CDKL3: variants seen among roughly 807,000 people sequenced by gnomAD.
CDKL3 encodes cyclin-dependent kinase-like 3.
Under a neutral mutation model 69.3 loss-of-function variants are expected in CDKL3, and 65 were observed. That is an observed-to-expected ratio of 0.94 (90% CI 0.77 to 1.15). CDKL3 has a LOEUF of 1.15. Ranked by LOEUF, CDKL3 falls within the 50% of genes most tolerant of loss-of-function variation. The pLI is 0.00. For synonymous variants in CDKL3, 202 were observed against 221.6 expected (o/e 0.91, Z 0.79); for missense variants, 652 against 689.2 (o/e 0.95, Z 0.61).
At chr5:134,317,293 G>A (rs542347753) in intron 6 of CDKL3, among the ~76,000 whole-genome samples, 97 of 151,848 alleles carry the variant, frequency 6.4e-4, no homozygotes, top group Non-Finnish European at 8.5e-4. Context: ...ACGCCACCAC[G>A]CCCGGCTAAT....
At chr5:134,316,030 C>A (rs1770968541) in intron 6 of CDKL3, among the ~76,000 whole-genome samples, 1 of 152,220 alleles carries the variant, frequency 6.6e-6, no homozygotes, top group African/African-American at 2.4e-5. Context: ...CAACTCACTG[C>A]AGCCTCAACC....
chr5:134,336,814 G>A (rs1777227771), intron 4 of CDKL3, among the ~76,000 whole-genome samples: 1 of 152,200 alleles, frequency 6.6e-6, no homozygotes, highest in African/African-American at 2.4e-5. Flanking sequence ...CAGTCTGTCT[G>A]TTATCGGAGC....
At chr5:134,299,438 T>C in intron 12 of CDKL3, 1 of 1,086,986 alleles carries the variant, frequency 9.2e-7, no homozygotes, top group Non-Finnish European at 1.2e-6. Flanking sequence ...TATGACTAAA[T>C]GTAAGCTGCA....
Position 134,308,440 on chromosome 5 carries a change from C to T in CDKL3, c.1062G>A (p.Lys354=). 1 of 1,605,544 alleles carries T rather than the reference C, an allele frequency of 6.2e-7. No individual in the cohort carries two copies. The highest frequency in any genetic ancestry group is 8.5e-7 in the Non-Finnish European group (1 of 1,177,322). The change falls in exon 9 of 13, where the codon AAG becomes AAA. Residue 354 remains lysine, a synonymous_variant. Coordinates refer to ENST00000265334, the MANE Select transcript of CDKL3 (RefSeq NM_001113575.2). ...GKEIEKEKKP[K]EIKVRVIKVK... is the part of the protein sequence containing the mutation. ...CTTTAATAACTCTGACTTTGATCTCCTTGGGCTTTTTCTCTTTTTCTATTT... is the reference window on the plus strand; with the variant it reads ...CTTTAATAACTCTGACTTTGATCTCTTTGGGCTTTTTCTCTTTTTCTATTT...
chr5:134,292,868 A>C (rs543893770), intron 8 of CDKL3, among the ~76,000 whole-genome samples: 1 of 152,190 alleles, frequency 6.6e-6, no homozygotes, highest in East Asian at 1.9e-4. Flanking sequence ...TCCTTGAAAG[A>C]AGCAAACAAA....
At chr5:134,297,569 TC>T (rs1203619587), downstream of CDKL3, among the ~76,000 whole-genome samples, 2 of 144,894 alleles carry the variant, frequency 1.4e-5, no homozygotes, top group Non-Finnish European at 3.0e-5. Flanking sequence ...AATAGTTTTT[TC>T]TTTCTTTTTT....
upstream of CDKL3, among the ~76,000 whole-genome samples, chr5:134,369,525 C>T (rs1314352317): frequency 1.3e-5 from 2 of 152,198 alleles, no homozygotes; most frequent in Non-Finnish European, 2.9e-5. Context: ...ACCTCCCTTT[C>T]TTCAAACCCT....
At chr5:134,321,641 TA>T (rs1772824635) in intron 5 of CDKL3, 149 bp downstream of exon 5, 2 of 525,380 alleles carry the variant, frequency 3.8e-6, no homozygotes, top group Non-Finnish European at 6.8e-6. Context: ...CTGCCTTCTT[TA>T]TCAGCCCAAG....
At chr5:134,296,475 C>A (rs1561486576), downstream of CDKL3, among the ~76,000 whole-genome samples, 1 of 152,024 alleles carries the variant, frequency 6.6e-6, no homozygotes. Context: ...GTGCAATGGG[C>A]AAACACATAT....
chr5:134,354,875 A>G (rs1754185138), intron 3 of CDKL3, among the ~76,000 whole-genome samples: 1 of 151,792 alleles, frequency 6.6e-6, no homozygotes, highest in Non-Finnish European at 1.5e-5. Context: ...TGAACCCAGG[A>G]GGCGGAGGTT....
upstream of CDKL3, chr5:134,367,206 C>G: frequency 3.0e-6 from 3 of 985,738 alleles, no homozygotes; most frequent in Non-Finnish European, 3.6e-6. Flanking sequence ...TGGGCAGGGT[C>G]CCGACCCGGA....
chr5:134,366,814 A>C (rs774592357), intron 1 of CDKL3, among the ~76,000 whole-genome samples, 163 bp downstream of exon 1: 1 of 151,644 alleles, frequency 6.6e-6, no homozygotes, highest in Admixed American at 6.6e-5. Context: ...CTACCACACT[A>C]TAAGTCACCA....
At chr5:134,356,570 TCAAGAC>T (rs1371978017) in intron 3 of CDKL3, among the ~76,000 whole-genome samples, 3 of 152,132 alleles carry the variant, frequency 2.0e-5, no homozygotes, top group African/African-American at 4.8e-5. Flanking sequence ...GGTCAGCATT[TCAAGAC>T]CAAAGTTAGT....
intron 4 of CDKL3, among the ~76,000 whole-genome samples, chr5:134,336,043 CTT>C (rs1777027123): frequency 6.6e-6 from 1 of 152,110 alleles, no homozygotes; most frequent in African/African-American, 2.4e-5. Context: ...TTTCTCTAAT[CTT>C]GTCTTCTCGC....
At chr5:134,359,436 C>G (rs540256571) in intron 3 of CDKL3, among the ~76,000 whole-genome samples, 1 of 152,272 alleles carries the variant, frequency 6.6e-6, no homozygotes, top group East Asian at 1.9e-4. Context: ...GACAAGGCCT[C>G]AAACCGCTCC....
chr5:134,304,698 G>C (rs1281563802), intron 10 of CDKL3, 131 bp from the exon 11 acceptor site: 2 of 637,764 alleles, frequency 3.1e-6, no homozygotes, highest in South Asian at 2.9e-5. Flanking sequence ...AGAAGATTTA[G>C]AATAGAACAC....
At chr5:134,303,265 T>C (rs906662381) in intron 11 of CDKL3, among the ~76,000 whole-genome samples, 1 of 151,956 alleles carries the variant, frequency 6.6e-6, no homozygotes, top group African/African-American at 2.4e-5. Context: ...CTAATAGAGA[T>C]GGGGTTTTGC....
chr5:134,370,281 T>C (rs112169764), upstream of CDKL3, among the ~76,000 whole-genome samples: 1 of 152,236 alleles, frequency 6.6e-6, no homozygotes, highest in African/African-American at 2.4e-5. Context: ...TTGGAAGCAA[T>C]AGAGGGAAGG....
chr5:134,353,213 T>C (rs1457569955), intron 3 of CDKL3, among the ~76,000 whole-genome samples: 2 of 152,096 alleles, frequency 1.3e-5, no homozygotes. Context: ...CCACAATAAA[T>C]CCCACAAAAC....
Sources: allele counts gnomAD v4.1 joint callset (sites outside exome capture counted in the v4.1 genomes callset), GRCh38; gene constraint gnomAD v4.1.1; transcripts MANE v1.5; gene names NCBI Gene and HGNC (gene_info 2026-07-23, HGNC 2026-07-21).